Variants in NBL1 observed in about 807,000 individuals in gnomAD.
NBL1 encodes NBL1, DAN family BMP antagonist.
In NBL1, 9 loss-of-function variants were observed where a neutral mutation model predicts 16.0. The ratio of observed to expected loss-of-function variants is 0.56; its 90% confidence interval spans 0.34 to 0.98. NBL1 has a LOEUF of 0.98. Ranked by LOEUF, NBL1 falls within the 50% of genes least tolerant of loss-of-function variation. The probability of loss-of-function intolerance (pLI) is 0.02; values close to 1 mark genes in which losing one functional copy is unlikely to be tolerated. For missense variants in NBL1, 196 were observed against 243.1 expected, an observed-to-expected ratio of 0.81 and a Z score of 1.29; for synonymous variants, 86 against 100.7, an observed-to-expected ratio of 0.85 and a Z score of 0.87.
chr1:19,647,852 TG>T (rs2094991188), intron 1 of NBL1, among the ~76,000 whole-genome samples: 2 of 136,002 alleles, frequency 1.5e-5, no homozygotes, highest in African/African-American at 3.2e-5. Context: ...AAAGGCCTGG[TG>T]TGTGTGTGTG....
chr1:19,643,682 G>T (rs2094960762), upstream of NBL1: 4 of 1,203,610 alleles, frequency 3.3e-6, no homozygotes, highest in South Asian at 7.2e-5. This position sits in a 1 kb window ranked among gnomAD's most constrained non-coding sequence, Gnocchi z 4.7. Context: ...TTTTCGGGAT[G>T]CTTAAGCCAA....
At chr1:19,650,079 A>G (rs2095014511) in intron 1 of NBL1, among the ~76,000 whole-genome samples, 1 of 152,130 alleles carries the variant, frequency 6.6e-6, no homozygotes, top group African/African-American at 2.4e-5. Flanking sequence ...GGTTCACGCC[A>G]TTCTCCTGCC....
chr1:19,645,221 A>G (rs925354422), intron 1 of NBL1, among the ~76,000 whole-genome samples: 1 of 152,250 alleles, frequency 6.6e-6, no homozygotes. Flanking sequence ...GGCCCGGGTC[A>G]TCTCCCTGGA....
At chr1:19,649,276 G>T (rs1376951010) in intron 1 of NBL1, among the ~76,000 whole-genome samples, 1 of 152,034 alleles carries the variant, frequency 6.6e-6, no homozygotes, top group African/African-American at 2.4e-5. Flanking sequence ...AGTTATCATA[G>T]GACAGAATAA....
chr1:19,644,641 C>A lies in NBL1; in HGVS notation c.-20+195C>A, dbSNP rs115614639. Among the ~76,000 whole-genome samples the A allele has an allele frequency of 0.26, 39,268 of 150,922 alleles. 5,707 individuals carry two copies. The highest frequency in any genetic ancestry group is 0.38 in the African/African-American group (15,869 of 41,298). ...CGCCTCCGGACGCCGGCGCTGGGGA[C>A]GTGGGCGCGGCACGGGGTGGCCGGG... is the stretch of plus-strand genomic sequence containing the variant. On this transcript the variant is annotated intron_variant, in intron 1 of 3. Transcript: ENST00000375136. The surrounding 1 kb of genome is among the most constrained non-coding windows in gnomAD (Gnocchi z 4.6).
intron 1 of NBL1, chr1:19,645,291 A>G: frequency 1.1e-6 from 1 of 884,720 alleles, no homozygotes; most frequent in Non-Finnish European, 1.4e-6. Flanking sequence ...TAAGAATTCC[A>G]CCCCCGCGAG....
rs374084909 is a variant in NBL1, at chr1:19,655,327, G to T, written c.174G>T (p.Ala58=). Reference sequence around the variant, plus strand: ...ATGGTGACCTCTCCTCCCACAGGGCGTGCCTAGGACAGTGCTTCAGCTACA... The same window carrying T: ...ATGGTGACCTCTCCTCCCACAGGGCTTGCCTAGGACAGTGCTTCAGCTACA... ...GCEAKSIQNR[A]CLGQCFSYSV... The change falls in exon 3 of 4, where the codon GCG becomes GCT. Residue 58 remains alanine, a synonymous_variant. Transcript: ENST00000375136. 6.2e-7 allele frequency: 1 copy of T among 1,613,916 alleles called. No individual in the cohort carries two copies. Among genetic ancestry groups the T allele is most frequent in the Non-Finnish European group, 8.5e-7 (1 of 1,179,888 alleles).
chr1:19,646,002 C>A (rs752696086), intron 1 of NBL1: 84 of 1,550,396 alleles, frequency 5.4e-5, no homozygotes, highest in Non-Finnish European at 7.1e-5. Context: ...GTTTTGGAGA[C>A]TGTTTTTCGT....
chr1:19,656,889 C>T lies in NBL1; in HGVS notation c.306C>T (p.His102=), dbSNP rs139196947. Reference sequence around the variant, plus strand: ...AGGTGACGCTGGAGTGCCCGGGCCACGAGGAGGTGCCCAGGGTGGACAAGC... The same window carrying T: ...AGGTGACGCTGGAGTGCCCGGGCCATGAGGAGGTGCCCAGGGTGGACAAGC... ...WEIVTLECPG[H]EEVPRVDKLV... The change falls in exon 4 of 4, where the codon CAC becomes CAT. Residue 102 remains histidine, a synonymous_variant. Transcript: ENST00000375136. 3,351 of 1,612,144 alleles carry T rather than the reference C, an allele frequency of 2.1e-3. 15 individuals carry two copies. The highest frequency in any genetic ancestry group is 1.9e-3 in the Non-Finnish European group (2,287 of 1,178,718).
At chr1:19,650,581 A>G (rs757425156) in intron 1 of NBL1, among the ~76,000 whole-genome samples, 6 of 152,204 alleles carry the variant, frequency 3.9e-5, no homozygotes, top group Non-Finnish European at 5.9e-5. Context: ...AGCCCCTTGC[A>G]GAGCAGGGAG....
intron 1 of NBL1, chr1:19,646,002 CTG>C (rs1243881307): frequency 9.0e-6 from 14 of 1,550,396 alleles, no homozygotes; most frequent in Middle Eastern, 1.7e-4. Context: ...GTTTTGGAGA[CTG>C]TTTTTCGTTT....
chr1:19,649,597 G>A (rs942894876), intron 1 of NBL1, among the ~76,000 whole-genome samples: 2 of 151,916 alleles, frequency 1.3e-5, no homozygotes, highest in African/African-American at 4.8e-5. Flanking sequence ...GACCTCAAGT[G>A]ATCTGCCACC....
intron 2 of NBL1, 34 bp downstream of exon 2, chr1:19,655,234 C>G (rs2095049382): frequency 6.2e-7 from 1 of 1,605,896 alleles, no homozygotes; most frequent in Non-Finnish European, 8.5e-7. Flanking sequence ...GGGATGCGGA[C>G]AGGGGTCCAA....
intron 1 of NBL1, chr1:19,647,637 G>A (rs1357412804): frequency 4.1e-6 from 4 of 985,350 alleles, no homozygotes; most frequent in East Asian, 1.1e-4. Context: ...TTGTGCATGC[G>A]GACTGTGGTG....
At chr1:19,645,452 C>G (rs555078819) in intron 1 of NBL1, 209 of 992,136 alleles carry the variant, frequency 2.1e-4, no homozygotes, top group Non-Finnish European at 2.5e-4. Context: ...GAAAGCCACA[C>G]TTCCAGGCTT....
intron 1 of NBL1, among the ~76,000 whole-genome samples, chr1:19,649,029 G>A (rs565698446): frequency 4.0e-4 from 61 of 152,236 alleles, no homozygotes; most frequent in African/African-American, 8.9e-4. Context: ...AGGCGCAGTC[G>A]GCTGGGGCAG....
At position 19,658,017 on chromosome 1, in the gene NBL1, T is replaced by C. The variant is rs1011593347; in HGVS notation, c.*888T>C. On this transcript the variant is annotated 3_prime_UTR_variant, in exon 4 of 4. Coordinates refer to ENST00000375136, the MANE Select transcript of NBL1 (RefSeq NM_005380.8). ...CTCCCAGGGATGCTCTTTGTAAATA[T>C]CGGATGGGTGTGGGAGTGAGGGGTT... is the stretch of plus-strand genomic sequence containing the variant. 6.5e-6 allele frequency: 1 copy of C among 152,686 alleles called. No individual in the cohort carries two copies. The highest frequency in any genetic ancestry group is 1.5e-5 in the Non-Finnish European group (1 of 68,166). 9.5% of individuals were successfully genotyped at this position (152,686 alleles called of 1,614,324 possible).
chr1:19,651,211 A>C (rs1294131883), intron 1 of NBL1, among the ~76,000 whole-genome samples: 1 of 152,220 alleles, frequency 6.6e-6, no homozygotes, highest in Non-Finnish European at 1.5e-5. Flanking sequence ...TGGGGACTCC[A>C]GGGTCCACGC....
At chr1:19,648,877 C>T (rs763715667) in intron 1 of NBL1, among the ~76,000 whole-genome samples, 16 of 152,112 alleles carry the variant, frequency 1.1e-4, no homozygotes, top group Non-Finnish European at 1.8e-4. Context: ...ATACCTTTAC[C>T]AGGGCTCCAA....
Sources: gnomAD v4.1 joint callset for allele counts (sites outside exome capture counted in the v4.1 genomes callset) on GRCh38, gnomAD v4.1.1 for gene constraint, Gnocchi (gnomAD v3.1) non-coding constraint, MANE v1.5 for transcripts, NCBI Gene and HGNC (gene_info 2026-07-23, HGNC 2026-07-21) for gene names.